GPC6: variants seen among roughly 807,000 people sequenced by gnomAD.
GPC6 encodes the protein glypican-6.
Under a neutral mutation model 55.2 loss-of-function variants are expected in GPC6, and 14 were observed. That is an observed-to-expected ratio of 0.25 (90% CI 0.17 to 0.40). The LOEUF is 0.40. Among genes scored for constraint, GPC6 ranks in the 10% least tolerant of loss-of-function variants. GPC6 has a pLI of 1.00. For synonymous variants in GPC6, 278 were observed against 259.6 expected (o/e 1.07, Z -0.68); for missense variants, 641 against 708.5 (o/e 0.90, Z 1.08).
intron 1 of GPC6, among the ~76,000 whole-genome samples, chr13:93,407,271 G>C (rs191437318): frequency 1.3e-5 from 2 of 152,150 alleles, no homozygotes; most frequent in African/African-American, 4.8e-5. Context: ...TATTTAGAGA[G>C]AGAGAGAGAA....
chr13:93,473,388 CTG>C (rs1045874438), intron 1 of GPC6, among the ~76,000 whole-genome samples: 7 of 152,176 alleles, frequency 4.6e-5, no homozygotes, highest in African/African-American at 1.2e-4. Flanking sequence ...CCTGGCTGGG[CTG>C]TGATAGCACC....
At chr13:93,999,752 T>C (rs966211876) in intron 3 of GPC6, among the ~76,000 whole-genome samples, 1 of 152,190 alleles carries the variant, frequency 6.6e-6, no homozygotes, top group Non-Finnish European at 1.5e-5. Flanking sequence ...ACATCTCTTA[T>C]AAGATATTTT....
intron 4 of GPC6, among the ~76,000 whole-genome samples, chr13:94,216,237 C>A (rs887008649): frequency 6.6e-6 from 1 of 152,132 alleles, no homozygotes; most frequent in Non-Finnish European, 1.5e-5. Context: ...GTAAGAATAA[C>A]GCATAATTAC....
intron 2 of GPC6, among the ~76,000 whole-genome samples, chr13:93,746,692 A>G (rs1258533800): frequency 2.0e-5 from 3 of 152,200 alleles, no homozygotes; most frequent in African/African-American, 7.2e-5. Context: ...TGTCTATAGC[A>G]TAGCAGCAAT....
intron 3 of GPC6, chr13:93,836,041 A>G (rs1469033590): frequency 1.3e-5 from 2 of 152,186 alleles, no homozygotes; most frequent in African/African-American, 4.8e-5. Context: ...GAATATTTTC[A>G]TCAACAGACA....
At chr13:93,973,313 T>C (rs574573166) in intron 3 of GPC6, among the ~76,000 whole-genome samples, 2 of 152,112 alleles carry the variant, frequency 1.3e-5, no homozygotes, top group Non-Finnish European at 2.9e-5. Context: ...AAAAATATGG[T>C]GTTAAAATCT....
chr13:93,556,761 T>C (rs916239987), intron 2 of GPC6, among the ~76,000 whole-genome samples: 4 of 152,170 alleles, frequency 2.6e-5, no homozygotes, highest in African/African-American at 7.2e-5. Flanking sequence ...ATGAGTTCAA[T>C]TGTATTTATT....
At position 94,286,357 on chromosome 13, in the gene GPC6, C is replaced by G. The variant is rs763498314; in HGVS notation, c.886C>G (p.Leu296Val). The G allele has an allele frequency of 6.2e-7, 1 of 1,613,620 alleles. No homozygotes were observed. The change falls in exon 5 of 9, where the codon CTC becomes GTC. Residue 296 changes from leucine (L) to valine (V), a missense_variant. Coordinates refer to ENST00000377047, the MANE Select transcript of GPC6 (RefSeq NM_005708.5). The stretch of plus-strand genomic sequence containing the variant: ...TTCCTGTATTTTAACAGATGCAATG[C>G]TCTTGGTGGCAGAGCGACTGGAGGG... ...TEWNLFIDAM[L>V]LVAERLEGPF...
chr13:93,682,420 G>A (rs892344598), intron 2 of GPC6, among the ~76,000 whole-genome samples: 1 of 152,076 alleles, frequency 6.6e-6, no homozygotes, highest in Non-Finnish European at 1.5e-5. Flanking sequence ...CCAGTCTCTG[G>A]ACATAGCTGC....
intron 3 of GPC6, among the ~76,000 whole-genome samples, chr13:93,863,137 G>A (rs1341254669): frequency 1.3e-5 from 2 of 151,654 alleles, no homozygotes; most frequent in Non-Finnish European, 3.0e-5. Flanking sequence ...CAACCAAACA[G>A]TAAGCTTTTC....
chr13:93,260,488 C>T (rs1483347133), intron 1 of GPC6, among the ~76,000 whole-genome samples: 7 of 152,018 alleles, frequency 4.6e-5, no homozygotes, highest in South Asian at 2.1e-4. Context: ...GGCTAACAGA[C>T]GCTCCTAGGA....
At chr13:93,812,520 T>A (rs1384426271) in intron 2 of GPC6, among the ~76,000 whole-genome samples, 1 of 152,214 alleles carries the variant, frequency 6.6e-6, no homozygotes, top group Non-Finnish European at 1.5e-5. Context: ...TAAATTATTT[T>A]TCTAATCAAG....
intron 4 of GPC6, among the ~76,000 whole-genome samples, chr13:94,238,008 G>A (rs147363800): frequency 1.3e-5 from 2 of 152,286 alleles, no homozygotes; most frequent in African/African-American, 2.4e-5. Flanking sequence ...GATAGTTTTT[G>A]GAAGAGGAAT....
intron 2 of GPC6, among the ~76,000 whole-genome samples, chr13:93,794,382 A>G (rs1886137155): frequency 6.6e-6 from 1 of 152,212 alleles, no homozygotes; most frequent in Non-Finnish European, 1.5e-5. Context: ...AGTGGGGCCC[A>G]GCAATCTGGT....
chr13:94,099,392 G>T (rs1487832713), intron 4 of GPC6, among the ~76,000 whole-genome samples: 3 of 152,000 alleles, frequency 2.0e-5, no homozygotes, highest in South Asian at 2.1e-4. Flanking sequence ...CGGGTATTTT[G>T]CATATTCACA....
chr13:94,206,265 A>G (rs1340746141), intron 4 of GPC6, among the ~76,000 whole-genome samples: 2 of 152,162 alleles, frequency 1.3e-5, no homozygotes, highest in Non-Finnish European at 2.9e-5. Flanking sequence ...AGAATATTCT[A>G]TTCTTTTGTT....
At chr13:93,912,526 A>T (rs188344149) in intron 3 of GPC6, among the ~76,000 whole-genome samples, 4 of 152,100 alleles carry the variant, frequency 2.6e-5, no homozygotes, top group East Asian at 1.9e-4. Flanking sequence ...GGCGGATCAC[A>T]AGGTCAGGAG....
intron 6 of GPC6, among the ~76,000 whole-genome samples, chr13:94,315,518 T>A (rs1876478840): frequency 6.6e-6 from 1 of 152,102 alleles, no homozygotes; most frequent in South Asian, 2.1e-4. Context: ...AAGGGTCACA[T>A]CATACTGATC....
At chr13:94,148,143 G>C (rs571340641) in intron 4 of GPC6, among the ~76,000 whole-genome samples, 3 of 152,124 alleles carry the variant, frequency 2.0e-5, no homozygotes, top group Non-Finnish European at 4.4e-5. Flanking sequence ...TTCAATACTT[G>C]CTTTTCTCAA....
Sources: allele counts gnomAD v4.1 joint callset (sites outside exome capture counted in the v4.1 genomes callset), GRCh38; gene constraint gnomAD v4.1.1; transcripts MANE v1.5; gene names NCBI Gene and HGNC (gene_info 2026-07-23, HGNC 2026-07-21).